Variants in POLE4 observed in about 807,000 individuals in gnomAD.
POLE4 encodes DNA polymerase epsilon 4, accessory subunit.
In POLE4, 15 loss-of-function variants were observed where a neutral mutation model predicts 15.6. The ratio of observed to expected loss-of-function variants is 0.96; its 90% CI spans 0.64 to 1.48. The LOEUF is 1.48. Among genes scored for constraint, POLE4 ranks in the 40% most tolerant of loss-of-function variants. The pLI, the probability that POLE4 is intolerant of heterozygous loss-of-function variation, is 0.00. For missense variants in POLE4, 205 were observed against 151.9 expected (o/e 1.35, Z -1.84); for synonymous variants, 83 against 63.2 (o/e 1.31, Z -1.49).
Position 74,969,551 on chromosome 2 carries a change from C to T in POLE4, c.*129C>T. The T allele has an allele frequency of 1.2e-6, 1 of 849,092 alleles. No individual in the cohort carries two copies. Among genetic ancestry groups the T allele is most frequent in the East Asian group, 2.4e-5 (1 of 41,418 alleles). The allele number at this position is 849,092 out of a possible 1,614,324, so 52.6% of individuals were successfully genotyped here. ...TCTTCCTGTTCTGCCTTCACCTATGCCGGGATAAGCAGAGATCTCATCAAT... is the reference window on the plus strand; with the variant it reads ...TCTTCCTGTTCTGCCTTCACCTATGTCGGGATAAGCAGAGATCTCATCAAT... On this transcript the variant is annotated 3_prime_UTR_variant, in exon 4 of 4. Coordinates refer to ENST00000483063, the MANE Select transcript of POLE4 (RefSeq NM_019896.4).
chr2:74,963,524 C>T (rs550967120), intron 3 of POLE4, among the ~76,000 whole-genome samples: 3 of 150,910 alleles, frequency 2.0e-5, no homozygotes, highest in African/African-American at 7.3e-5. Flanking sequence ...ATTTTTTTGA[C>T]GTGGAGTCTT....
Position 74,960,116 on chromosome 2 carries a change from G to A in POLE4, c.310G>A (p.Glu104Lys). ...TCCTTGTGTTTCAGATAATGCAATAGAAGCTGTGGATGAATTTGCTTTTCT... is the reference window on the plus strand; with the variant it reads ...TCCTTGTGTTTCAGATAATGCAATAAAAGCTGTGGATGAATTTGCTTTTCT... Reference protein sequence around the residue: ...LQRRDLDNAIEAVDEFAFLEG... With the variant: ...LQRRDLDNAIKAVDEFAFLEG... Residue 104 changes from glutamate to lysine, a missense_variant, in exon 3 of 4, where the codon GAA becomes AAA. Glu to Lys is a moderately conservative substitution (Grantham distance 56, BLOSUM62 1). Transcript: ENST00000483063. The A allele has an allele frequency of 6.2e-7, 1 of 1,613,906 alleles. No individual in the cohort carries two copies. Among genetic ancestry groups the A allele is most frequent in the Non-Finnish European group, 8.5e-7 (1 of 1,179,790 alleles).
At chr2:74,969,332 A>G in intron 3 of POLE4, 77 bp from the exon 4 acceptor site, 1 of 1,365,612 alleles carries the variant, frequency 7.3e-7, no homozygotes, top group South Asian at 1.2e-5. Context: ...CCTCTTCTGC[A>G]TTAAGTTTGC....
Position 74,958,859 on chromosome 2 carries a change from A to T in POLE4, c.180A>T (p.Gly60=). The part of the protein sequence containing the change: ...VKADPDVTLA[G]QEAIFILARA... The stretch of plus-strand genomic sequence containing the variant: ...CAGATCCCGACGTGACGCTAGCGGG[A>T]CAGGAAGCCATCTTCATTCTGGCAC... Residue 60 remains glycine, a synonymous_variant, in exon 1 of 4, where the codon GGA becomes GGT. Coordinates refer to ENST00000483063, the MANE Select transcript of POLE4 (RefSeq NM_019896.4). The T allele has an allele frequency of 6.4e-7, 1 of 1,561,172 alleles. No homozygotes were observed. Among genetic ancestry groups the T allele is most frequent in the Non-Finnish European group, 8.7e-7 (1 of 1,152,740 alleles).
chr2:74,959,966 C>G, intron 2 of POLE4, 139 bp from the exon 3 acceptor site: 1 of 691,292 alleles, frequency 1.4e-6, no homozygotes, highest in Non-Finnish European at 2.6e-6. Context: ...AGATATGGAT[C>G]TCAAGGCAGC....
rs149842259 is a variant in POLE4 at position 74,962,676 on chromosome 2, C to T, written c.340+2530C>T. 6.5e-4 allele frequency among the ~76,000 whole-genome samples: 99 copies of T among 152,244 alleles called. 2 individuals are homozygous for T. The East Asian group carries it at 0.017, about 26-fold the overall frequency. Reference sequence around the variant, plus strand: ...AAGTCAATAAATGATAAAATGAACACTCTCGTAACCACCATCTTGGCCAAG... The same window carrying T: ...AAGTCAATAAATGATAAAATGAACATTCTCGTAACCACCATCTTGGCCAAG... On this transcript the variant is annotated intron_variant, in intron 3 of 3. Transcript: ENST00000483063.
intron 3 of POLE4, among the ~76,000 whole-genome samples, chr2:74,965,043 G>A (rs1359534768): frequency 6.7e-6 from 1 of 149,312 alleles, no homozygotes; most frequent in African/African-American, 2.5e-5. Flanking sequence ...TTTTCATACT[G>A]TGTGTGAGCT....
intron 3 of POLE4, among the ~76,000 whole-genome samples, chr2:74,968,873 C>G (rs571130750): frequency 6.6e-6 from 1 of 152,004 alleles, no homozygotes; most frequent in African/African-American, 2.4e-5. Context: ...TTCCTCTGCT[C>G]TATTTATAAG....
At chr2:74,965,793 T>G (rs191117934) in intron 3 of POLE4, among the ~76,000 whole-genome samples, 5 of 152,340 alleles carry the variant, frequency 3.3e-5, no homozygotes, top group Admixed American at 3.3e-4. Flanking sequence ...CTATTTTGTT[T>G]AATATTATTA....
chr2:74,963,635 G>A (rs1671256902), intron 3 of POLE4, among the ~76,000 whole-genome samples: 1 of 151,914 alleles, frequency 6.6e-6, no homozygotes, highest in African/African-American at 2.4e-5. Context: ...CTACAGGCGT[G>A]TACCACCACG....
At chr2:74,969,281 A>G in intron 3 of POLE4, 128 bp from the exon 4 acceptor site, 1 of 824,952 alleles carries the variant, frequency 1.2e-6, no homozygotes, top group Non-Finnish European at 2.1e-6. Flanking sequence ...CATCCTCAAA[A>G]TTAGTATTTT....
chr2:74,964,110 C>A (rs184417842), intron 3 of POLE4, among the ~76,000 whole-genome samples: 1 of 152,158 alleles, frequency 6.6e-6, no homozygotes, highest in Non-Finnish European at 1.5e-5. Flanking sequence ...TTGTCCATAT[C>A]GTCATCTCAC....
chr2:74,962,872 T>G (rs924714720), intron 3 of POLE4, among the ~76,000 whole-genome samples: 1 of 152,226 alleles, frequency 6.6e-6, no homozygotes, highest in Non-Finnish European at 1.5e-5. Context: ...TTAGTTTTGT[T>G]TTGTTGAACT....
rs1468912519 is a variant in POLE4, at chr2:74,958,663, G to A, written c.-17G>A. On this transcript the variant is annotated 5_prime_UTR_variant, in exon 1 of 4. Transcript: ENST00000483063. The stretch of plus-strand genomic sequence containing the variant: ...CGCGCACAGTCGGCGGCCGCGCGCA[G>A]CACGCTCAAGGCCGGGATGGCGGCG... The A allele has an allele frequency of 5.0e-6, 7 of 1,413,236 alleles. No homozygotes were observed. The highest frequency in any genetic ancestry group is 3.0e-5 in the East Asian group (1 of 33,610). 87.5% of individuals were successfully genotyped at this position (1,413,236 alleles called of 1,614,324 possible). A position where few individuals can be genotyped will look rare whatever the true frequency, so the allele number is the denominator to read the frequency against.
In POLE4 at chr2:74,965,841, C is replaced by T. The variant is rs181768456; in HGVS notation, c.341-3568C>T. Among the ~76,000 whole-genome samples the T allele has an allele frequency of 1.6e-4, 24 of 152,196 alleles. 1 individual carries two copies. The highest frequency in any genetic ancestry group is 3.3e-4 in the Admixed American group (5 of 15,296). ...TTTCTTTAGTTAGTATTTATTTGCA[C>T]GGTACGGATTTTTGTAAATCTTTTA... On this transcript the variant is annotated intron_variant, in intron 3 of 3. Transcript: ENST00000483063.
chr2:74,965,391 G>C (rs527333248), intron 3 of POLE4, among the ~76,000 whole-genome samples: 1 of 152,104 alleles, frequency 6.6e-6, no homozygotes, highest in Non-Finnish European at 1.5e-5. Context: ...GAGCCACCGC[G>C]CCTGGCCCAC....
chr2:74,969,608 C>T lies in POLE4; in HGVS notation c.*186C>T. ...TTCTCTGCAAGGTCTTCCACTATTT[C>T]TGTCTGTCTTCCATATCAAGCCTGG... On this transcript the variant is annotated 3_prime_UTR_variant, in exon 4 of 4. Coordinates refer to ENST00000483063, the MANE Select transcript of POLE4 (RefSeq NM_019896.4). The T allele has an allele frequency of 1.5e-6, 1 of 649,044 alleles. No individual in the cohort carries two copies. Among genetic ancestry groups the T allele is most frequent in the East Asian group, 2.5e-5 (1 of 39,238 alleles). The allele number at this position is 649,044 out of a possible 1,614,324, so 40.2% of individuals were successfully genotyped here.
intron 3 of POLE4, chr2:74,960,479 C>T: frequency 2.1e-6 from 1 of 467,946 alleles, no homozygotes; most frequent in Non-Finnish European, 4.1e-6. Flanking sequence ...TGTTACAGAT[C>T]AGAAACAATT....
chr2:74,969,269 A>T, intron 3 of POLE4, 140 bp from the exon 4 acceptor site: 1 of 784,688 alleles, frequency 1.3e-6, no homozygotes, highest in East Asian at 2.4e-5. Flanking sequence ...TTTTGGATGG[A>T]TCATCCTCAA....
Sources: gnomAD v4.1 joint callset for allele counts (sites outside exome capture counted in the v4.1 genomes callset) on GRCh38, gnomAD v4.1.1 for gene constraint, MANE v1.5 for transcripts, NCBI Gene and HGNC (gene_info 2026-07-23, HGNC 2026-07-21) for gene names.